RFTN2: variants seen among roughly 807,000 people sequenced by gnomAD.
The protein encoded by RFTN2 is raftlin family member 2, also known as raftlin-2.
In RFTN2, 34 loss-of-function variants were observed where a neutral mutation model predicts 52.7. The ratio of observed to expected loss-of-function variants is 0.64; its 90% CI spans 0.49 to 0.86. The LOEUF (loss-of-function observed/expected upper bound fraction) is 0.86, where lower values mean the gene tolerates loss of function less well. RFTN2 is among the 40% of genes least tolerant of loss of function. The pLI is 0.00. For missense variants in RFTN2, 536 were observed against 600.1 expected, an observed-to-expected ratio of 0.89 and a Z score of 1.12; for synonymous variants, 203 against 217.7, an observed-to-expected ratio of 0.93 and a Z score of 0.59.
At chr2:197,605,251 C>A (rs1451703849) in intron 7 of RFTN2, among the ~76,000 whole-genome samples, 1 of 151,336 alleles carries the variant, frequency 6.6e-6, no homozygotes, top group African/African-American at 2.4e-5. Flanking sequence ...CGGAGTCTGG[C>A]TCTGTCTTCC....
At chr2:197,674,394 A>G (rs1315096770) in intron 1 of RFTN2, among the ~76,000 whole-genome samples, 1 of 150,036 alleles carries the variant, frequency 6.7e-6, no homozygotes. Context: ...AAAAATTTGG[A>G]AAAAAATTAA....
At chr2:197,667,614 T>C (rs890601331) in intron 1 of RFTN2, among the ~76,000 whole-genome samples, 1 of 152,230 alleles carries the variant, frequency 6.6e-6, no homozygotes, top group Admixed American at 6.5e-5. Flanking sequence ...TGAGGATGTA[T>C]CTATGGTGTC....
intron 1 of RFTN2, among the ~76,000 whole-genome samples, chr2:197,658,546 C>A (rs1470457743): frequency 3.9e-5 from 6 of 151,918 alleles, no homozygotes; most frequent in Non-Finnish European, 8.8e-5. Context: ...CTAGACTTTC[C>A]AAAGTTCTGG....
intron 5 of RFTN2, among the ~76,000 whole-genome samples, chr2:197,630,390 A>G (rs1184491901): frequency 6.6e-6 from 1 of 151,462 alleles, no homozygotes; most frequent in Non-Finnish European, 1.5e-5. Flanking sequence ...TTTAACCCTC[A>G]TCTCTTAAAA....
chr2:197,615,820 A>G, intron 7 of RFTN2, 56 bp downstream of exon 7: 1 of 879,668 alleles, frequency 1.1e-6, no homozygotes, highest in Non-Finnish European at 1.8e-6. Context: ...ACTATCTAAC[A>G]GATGAAGTTA....
intron 1 of RFTN2, among the ~76,000 whole-genome samples, chr2:197,668,517 G>T (rs1259199620): frequency 6.6e-6 from 1 of 152,104 alleles, no homozygotes; most frequent in Non-Finnish European, 1.5e-5. Context: ...TCAGCCCTGG[G>T]CGTGGTAGCC....
chr2:197,592,737 C>A (rs1574689386), intron 8 of RFTN2, among the ~76,000 whole-genome samples: 1 of 152,258 alleles, frequency 6.6e-6, no homozygotes, highest in East Asian at 1.9e-4. Flanking sequence ...AAGAACAGTG[C>A]TATTATGGAT....
At chr2:197,636,120 C>T (rs2088562208) in intron 3 of RFTN2, among the ~76,000 whole-genome samples, 1 of 151,822 alleles carries the variant, frequency 6.6e-6, no homozygotes, top group Non-Finnish European at 1.5e-5. Flanking sequence ...GTACCAGTAC[C>T]ATGCTGTTTT....
chr2:197,574,824 C>T (rs1387537763), intron 8 of RFTN2, among the ~76,000 whole-genome samples: 1 of 152,094 alleles, frequency 6.6e-6, no homozygotes, highest in East Asian at 1.9e-4. Flanking sequence ...GCCAAGATCA[C>T]ACCAATGCAC....
At position 197,570,802 on chromosome 2, in the gene RFTN2, A is replaced by G. The variant is rs1405634891; in HGVS notation, c.*1206T>C. The G allele has an allele frequency of 6.6e-6, 1 of 152,280 alleles. No individual in the cohort carries two copies. Among genetic ancestry groups the G allele is most frequent in the African/African-American group, 2.4e-5 (1 of 41,474 alleles). The allele number at this position is 152,280 out of a possible 1,614,324, so 9.4% of individuals were successfully genotyped here. ...TTGTGTTCAATAAAACAATAACACA[A>G]TAAAAATGATGTTTTATTATTAAAA... On this transcript the variant is annotated 3_prime_UTR_variant, in exon 9 of 9. Transcript: ENST00000295049.
intron 1 of RFTN2, among the ~76,000 whole-genome samples, chr2:197,663,627 G>C (rs1275898934): frequency 6.6e-6 from 1 of 152,160 alleles, no homozygotes; most frequent in East Asian, 1.9e-4. Flanking sequence ...GTTGTTCATA[G>C]TAGTCTGTAA....
At chr2:197,572,453 C>A (rs985973417) in intron 8 of RFTN2, among the ~76,000 whole-genome samples, 173 bp from the exon 9 acceptor site, 7 of 152,172 alleles carry the variant, frequency 4.6e-5, no homozygotes, top group Non-Finnish European at 1.0e-4. Context: ...CCCCTCTCCA[C>A]CCAAATACAA....
At chr2:197,572,443 C>A (rs1282079459) in intron 8 of RFTN2, among the ~76,000 whole-genome samples, 163 bp from the exon 9 acceptor site, 2 of 152,162 alleles carry the variant, frequency 1.3e-5, no homozygotes, top group South Asian at 2.1e-4. Flanking sequence ...CCTCCACATT[C>A]CCCTCTCCAC....
intron 1 of RFTN2, among the ~76,000 whole-genome samples, chr2:197,674,631 A>G (rs979266387): frequency 4.1e-4 from 62 of 152,172 alleles, no homozygotes; most frequent in Admixed American, 1.3e-4. Context: ...AAAGTTTCCA[A>G]AAGAAATGAG....
chr2:197,624,562 C>T (rs1266278686), intron 5 of RFTN2, among the ~76,000 whole-genome samples: 2 of 136,776 alleles, frequency 1.5e-5, no homozygotes, highest in Admixed American at 1.6e-4. Flanking sequence ...CTCACCACAG[C>T]ACTCCAGCCT....
At chr2:197,664,036 A>T (rs2089015310) in intron 1 of RFTN2, among the ~76,000 whole-genome samples, 1 of 152,018 alleles carries the variant, frequency 6.6e-6, no homozygotes, top group Non-Finnish European at 1.5e-5. Context: ...TTCCTTCTTA[A>T]TTTCTTCATT....
At chr2:197,634,041 T>C (rs748478716) in intron 3 of RFTN2, 44 bp from the exon 4 acceptor site, 56 of 1,495,648 alleles carry the variant, frequency 3.7e-5, no homozygotes, top group Non-Finnish European at 5.0e-5. Flanking sequence ...TAAACTCTAT[T>C]TTCATTGATT....
At chr2:197,594,758 G>A (rs2087769862) in intron 8 of RFTN2, among the ~76,000 whole-genome samples, 1 of 152,084 alleles carries the variant, frequency 6.6e-6, no homozygotes, top group South Asian at 2.1e-4. Context: ...CTATTCTCCT[G>A]CCTCTCCGTC....
At chr2:197,667,064 A>C (rs1295816024) in intron 1 of RFTN2, among the ~76,000 whole-genome samples, 1 of 152,122 alleles carries the variant, frequency 6.6e-6, no homozygotes, top group Non-Finnish European at 1.5e-5. Context: ...CACTCGGCTC[A>C]CTGCTTCCTG....
Sources: allele counts gnomAD v4.1 joint callset (sites outside exome capture counted in the v4.1 genomes callset), GRCh38; gene constraint gnomAD v4.1.1; transcripts MANE v1.5; gene names NCBI Gene and HGNC (gene_info 2026-07-23, HGNC 2026-07-21).